PRKG1: variants seen among roughly 807,000 people sequenced by gnomAD.
The protein encoded by PRKG1 is cGMP-dependent protein kinase 1.
PRKG1 carries 35 observed loss-of-function variants against 88.1 expected under a neutral mutation model. The observed-to-expected ratio is 0.40, with a 90% CI of 0.30 to 0.53. The LOEUF (loss-of-function observed/expected upper bound fraction) is 0.53. Ranked by LOEUF, PRKG1 falls within the 20% of genes least tolerant of loss-of-function variation. PRKG1 has a pLI of 0.59. For synonymous variants in PRKG1, 303 were observed against 292.5 expected (o/e 1.04, Z -0.37); for missense variants, 540 against 839.8 (o/e 0.64, Z 4.41).
intron 7 of PRKG1, chr10:52,128,151 A>G: frequency 1.0e-6 from 1 of 985,406 alleles, no homozygotes; most frequent in Non-Finnish European, 1.2e-6. Flanking sequence ...TGCACATGAC[A>G]GAGAGTAAAG....
At chr10:52,085,183 A>T (rs1376580767) in intron 7 of PRKG1, among the ~76,000 whole-genome samples, 2 of 152,018 alleles carry the variant, frequency 1.3e-5, no homozygotes, top group Non-Finnish European at 2.9e-5. Context: ...TTTCCCTTGC[A>T]ACTAATAAAC....
intron 1 of PRKG1, among the ~76,000 whole-genome samples, chr10:50,995,137 T>G (rs905734068): frequency 2.6e-4 from 39 of 152,206 alleles, no homozygotes; most frequent in African/African-American, 9.2e-4. Context: ...AAACACTGCT[T>G]CAATGAATGA....
In PRKG1 at chr10:51,074,909, G is replaced by A. The variant is rs761295423; in HGVS notation, c.311+8G>A. On this transcript the variant is annotated splice_region_variant and intron_variant, in intron 1 of 17. Coordinates refer to ENST00000373980, the MANE Select transcript of PRKG1 (RefSeq NM_006258.4). ...CTACCCCAAGAGCCCACAGTAAGCA[G>A]GGGTGACGCGCCGGGTCCATGTGGC... The A allele has an allele frequency of 1.3e-5, 21 of 1,590,080 alleles. No homozygotes were observed. In the South Asian group the frequency reaches 2.4e-4, roughly 18 times the overall value.
At position 51,602,205 on chromosome 10, in the gene PRKG1, C is replaced by A. The variant is rs140886906; in HGVS notation, c.592+134369C>A. Among the ~76,000 whole-genome samples the A allele has an allele frequency of 5.0e-3, 764 of 152,216 alleles. 3 individuals are homozygous for A. Among genetic ancestry groups the A allele is most frequent in the Middle Eastern group, 0.034 (10 of 294 alleles). On this transcript the variant is annotated intron_variant, in intron 3 of 17. Coordinates refer to ENST00000373980, the MANE Select transcript of PRKG1 (RefSeq NM_006258.4). ...TAGAATATACTTGAGATTTGAACAA[C>A]CCTAGGTTTCTACGATCATGTCATT... is the stretch of plus-strand genomic sequence containing the variant.
intron 2 of PRKG1, among the ~76,000 whole-genome samples, chr10:51,243,155 C>T (rs539617900): frequency 2.0e-5 from 3 of 152,148 alleles, no homozygotes; most frequent in Non-Finnish European, 2.9e-5. Flanking sequence ...CTTAGTGTGA[C>T]TGTGTTCATC....
chr10:52,256,704 T>A (rs1279641827), intron 10 of PRKG1, among the ~76,000 whole-genome samples: 1 of 139,666 alleles, frequency 7.2e-6, no homozygotes, highest in African/African-American at 2.5e-5. Flanking sequence ...GGAATGAAAG[T>A]ATTTTACTCT....
At chr10:51,416,666 G>A (rs966804333) in intron 2 of PRKG1, among the ~76,000 whole-genome samples, 5 of 152,172 alleles carry the variant, frequency 3.3e-5, no homozygotes, top group African/African-American at 1.2e-4. Flanking sequence ...CAAGCCCACA[G>A]GAACCTGTGA....
chr10:51,870,635 C>T (rs1348796442), intron 4 of PRKG1, among the ~76,000 whole-genome samples: 1 of 152,000 alleles, frequency 6.6e-6, no homozygotes, highest in African/African-American at 2.4e-5. Context: ...GTTTCCCCTC[C>T]AATACAATCT....
At chr10:51,401,015 CTT>C (rs1324670359) in intron 2 of PRKG1, among the ~76,000 whole-genome samples, 1 of 152,176 alleles carries the variant, frequency 6.6e-6, no homozygotes, top group South Asian at 2.1e-4. Context: ...GTTTAAATAA[CTT>C]TTAAAAACTC....
At chr10:51,791,379 G>A (rs974599407) in intron 3 of PRKG1, among the ~76,000 whole-genome samples, 2 of 152,052 alleles carry the variant, frequency 1.3e-5, no homozygotes, top group African/African-American at 2.4e-5. Flanking sequence ...TGACTTCAGG[G>A]TAGCCCTTAA....
chr10:50,998,682 A>C (rs1842858537), intron 1 of PRKG1, among the ~76,000 whole-genome samples: 1 of 152,244 alleles, frequency 6.6e-6, no homozygotes, highest in Admixed American at 6.5e-5. Context: ...TGGGAGGCAG[A>C]GGTTGCAGTG....
chr10:51,746,882 ATAT>A (rs1837595472), intron 3 of PRKG1, among the ~76,000 whole-genome samples: 1 of 152,128 alleles, frequency 6.6e-6, no homozygotes, highest in Non-Finnish European at 1.5e-5. Flanking sequence ...CGGCAACAAA[ATAT>A]TATTTTCCAA....
At chr10:51,981,954 A>G (rs926493464) in intron 5 of PRKG1, among the ~76,000 whole-genome samples, 4 of 152,100 alleles carry the variant, frequency 2.6e-5, no homozygotes, top group East Asian at 3.9e-4. Flanking sequence ...GACACCAGTG[A>G]GTTGTGGATT....
chr10:51,455,896 C>A (rs1443891240), intron 2 of PRKG1, among the ~76,000 whole-genome samples: 1 of 152,200 alleles, frequency 6.6e-6, no homozygotes, highest in East Asian at 1.9e-4. Context: ...CCAACCTCTG[C>A]CTGTTACCCA....
intron 2 of PRKG1, among the ~76,000 whole-genome samples, chr10:51,292,663 A>G (rs534113807): frequency 3.6e-4 from 55 of 152,292 alleles, no homozygotes; most frequent in Non-Finnish European, 5.9e-4. Context: ...GACCTTGTCT[A>G]TAGATTTGCA....
chr10:51,410,549 C>T (rs984511434), intron 2 of PRKG1, among the ~76,000 whole-genome samples: 5 of 152,106 alleles, frequency 3.3e-5, no homozygotes, highest in African/African-American at 1.2e-4. Flanking sequence ...AAGGGTGGAT[C>T]TGCCTTCCCA....
At chr10:51,469,035 G>C (rs1218928899) in intron 3 of PRKG1, among the ~76,000 whole-genome samples, 1 of 151,676 alleles carries the variant, frequency 6.6e-6, no homozygotes, top group Non-Finnish European at 1.5e-5. Flanking sequence ...GGACTCTTTT[G>C]ATTGATAGAT....
intron 7 of PRKG1, among the ~76,000 whole-genome samples, chr10:52,102,836 CAT>C (rs1847328549): frequency 6.6e-6 from 1 of 152,048 alleles, no homozygotes; most frequent in Non-Finnish European, 1.5e-5. Context: ...TATTTTATGA[CAT>C]AGACCATTCT....
chr10:51,713,415 A>G (rs548497695), intron 3 of PRKG1, among the ~76,000 whole-genome samples: 19 of 152,362 alleles, frequency 1.2e-4, no homozygotes, highest in Admixed American at 1.2e-3. Flanking sequence ...TTATTTTGCC[A>G]AGAAAATTTA....
Sources: gnomAD v4.1 joint callset for allele counts (sites outside exome capture counted in the v4.1 genomes callset) on GRCh38, gnomAD v4.1.1 for gene constraint, MANE v1.5 for transcripts, NCBI Gene and HGNC (gene_info 2026-07-23, HGNC 2026-07-21) for gene names.